PPP2R2D: variants seen among roughly 807,000 people sequenced by gnomAD.
PPP2R2D encodes the protein protein phosphatase 2 regulatory subunit Bdelta, also known as serine/threonine-protein phosphatase 2A 55 kDa regulatory subunit B delta isoform.
PPP2R2D carries 9 observed loss-of-function variants against 31.1 expected under a neutral mutation model. The observed-to-expected ratio is 0.29, with a 90% CI of 0.17 to 0.51. The LOEUF (loss-of-function observed/expected upper bound fraction) is 0.51, where lower values mean the gene tolerates loss of function less well. Ranked by LOEUF, PPP2R2D falls within the 20% of genes least tolerant of loss-of-function variation. The pLI, the probability that PPP2R2D is intolerant of heterozygous loss-of-function variation, is 0.98. For missense variants in PPP2R2D, 391 were observed against 465.6 expected (o/e 0.84, Z 1.48); for synonymous variants, 179 against 172.6 (o/e 1.04, Z -0.29).
intron 3 of PPP2R2D, among the ~76,000 whole-genome samples, chr10:131,939,565 A>ACGGCAGGCTGCG (rs2036402887): frequency 7.0e-6 from 1 of 142,222 alleles, no homozygotes; most frequent in African/African-American, 2.8e-5. Flanking sequence ...GGCAGGCTGT[A>ACGGCAGGCTGCG]TTTGGCAGAC....
chr10:131,920,880 C>T (rs1230040472), intron 2 of PPP2R2D, among the ~76,000 whole-genome samples: 1 of 152,136 alleles, frequency 6.6e-6, no homozygotes, highest in Non-Finnish European at 1.5e-5. Context: ...TGCAGTGGGC[C>T]AAGATTGCGC....
At chr10:131,960,987 G>A (rs962412542), downstream of PPP2R2D, among the ~76,000 whole-genome samples, 2 of 152,052 alleles carry the variant, frequency 1.3e-5, no homozygotes, top group Non-Finnish European at 2.9e-5. Flanking sequence ...CTTCTGTGGC[G>A]AGCTGTCCTG....
intron 2 of PPP2R2D, chr10:131,911,486 T>C (rs2119741885): frequency 6.6e-6 from 1 of 152,392 alleles, no homozygotes; most frequent in African/African-American, 2.4e-5. Context: ...GTGAATTATT[T>C]TAACTGTTCA....
chr10:131,954,675 A>G (rs1239734809), intron 8 of PPP2R2D, among the ~76,000 whole-genome samples: 1 of 151,166 alleles, frequency 6.6e-6, no homozygotes, highest in Non-Finnish European at 1.5e-5. Flanking sequence ...AGACAAGGTC[A>G]GTCAGACACT....
the PPP2R2D span, chr10:131,970,850 G>A: frequency 1.9e-6 from 3 of 1,614,088 alleles, no homozygotes; most frequent in Non-Finnish European, 2.5e-6. The surrounding 1 kb of genome is among the most constrained non-coding windows in gnomAD (Gnocchi z 4.1). Flanking sequence ...CCGTGACACT[G>A]AGAACACACT....
downstream of PPP2R2D, among the ~76,000 whole-genome samples, chr10:131,963,821 A>C (rs1429868091): frequency 6.6e-6 from 1 of 152,166 alleles, no homozygotes; most frequent in Non-Finnish European, 1.5e-5. Context: ...GCCTTCACCC[A>C]GCCCCCTAAC....
At chr10:131,928,976 A>C (rs1554895306) in intron 2 of PPP2R2D, among the ~76,000 whole-genome samples, 1 of 152,230 alleles carries the variant, frequency 6.6e-6, no homozygotes, top group East Asian at 1.9e-4. Flanking sequence ...AAAGAAAAGT[A>C]GAATAATAAT....
At chr10:131,963,590 C>G (rs990773727), downstream of PPP2R2D, among the ~76,000 whole-genome samples, 6 of 152,360 alleles carry the variant, frequency 3.9e-5, no homozygotes, top group African/African-American at 1.2e-4. Context: ...GCCTCACTGG[C>G]TGCTGCACGG....
At chr10:131,932,646 C>CAAAAAAAAAAAAAAAAAAA (rs368610703) in intron 2 of PPP2R2D, among the ~76,000 whole-genome samples, 31 of 57,824 alleles carry the variant, frequency 5.4e-4, no homozygotes, top group African/African-American at 1.2e-3. Flanking sequence ...CAGCCTGTCT[C>CAAAAAAAAAAAAAAAAAAA]AAAAAAAAAA....
chr10:131,954,104 C>G (rs1278281101), intron 8 of PPP2R2D, among the ~76,000 whole-genome samples: 1 of 152,216 alleles, frequency 6.6e-6, no homozygotes, highest in East Asian at 1.9e-4. Context: ...ACGCCTGTGT[C>G]TCTGTCTGTG....
intron 8 of PPP2R2D, among the ~76,000 whole-genome samples, 156 bp from the exon 9 acceptor site, chr10:131,955,528 C>T (rs2036776605): frequency 6.6e-6 from 1 of 152,168 alleles, no homozygotes; most frequent in African/African-American, 2.4e-5. Context: ...CACTGCATTT[C>T]TCTTCTGCCC....
the PPP2R2D span, chr10:131,968,544 T>C: frequency 1.2e-6 from 2 of 1,601,940 alleles, no homozygotes; most frequent in Non-Finnish European, 1.7e-6. Flanking sequence ...CTGGTGGAGG[T>C]TGTCAGACGC....
intron 8 of PPP2R2D, among the ~76,000 whole-genome samples, chr10:131,955,284 A>T (rs543485763): frequency 2.3e-4 from 35 of 152,356 alleles, no homozygotes; most frequent in Admixed American, 2.1e-3. Context: ...ATTGACAGAT[A>T]TGACTAGTAA....
rs556151865 is a variant in PPP2R2D at position 131,953,492 on chromosome 10, G to A, written c.1083-2192G>A. 1.5e-3 allele frequency among the ~76,000 whole-genome samples: 169 copies of A among 113,654 alleles called. 2 individuals carry two copies. Among genetic ancestry groups the A allele is most frequent in the Middle Eastern group, 6.3e-3 (1 of 158 alleles). 74.6% of individuals were successfully genotyped at this position (113,654 alleles called of 152,430 possible). A position where few individuals can be genotyped will look rare whatever the true frequency, so the allele number is the denominator to read the frequency against. On this transcript the variant is annotated intron_variant, in intron 8 of 8. Coordinates refer to ENST00000455566, the MANE Select transcript of PPP2R2D (RefSeq NM_018461.5). Reference sequence around the variant, plus strand: ...CTGTCTTAGTGACTTGTGGGTGTGCGGGGGGTTCACTTAGTGACTTGCAGG... The same window carrying A: ...CTGTCTTAGTGACTTGTGGGTGTGCAGGGGGTTCACTTAGTGACTTGCAGG...
intron 2 of PPP2R2D, among the ~76,000 whole-genome samples, chr10:131,901,531 G>A (rs1375332555): frequency 6.6e-6 from 1 of 151,932 alleles, no homozygotes; most frequent in African/African-American, 2.4e-5. Context: ...CGGGGCACGG[G>A]CGGAGGCGTC....
At chr10:131,925,077 A>G (rs147430511) in intron 2 of PPP2R2D, among the ~76,000 whole-genome samples, 19 of 152,326 alleles carry the variant, frequency 1.2e-4, no homozygotes, top group African/African-American at 4.6e-4. Flanking sequence ...GATTTCCTGT[A>G]TACAATATAA....
chr10:131,908,274 C>T (rs1246747534), intron 2 of PPP2R2D, among the ~76,000 whole-genome samples: 4 of 152,142 alleles, frequency 2.6e-5, no homozygotes, highest in East Asian at 1.9e-4. Flanking sequence ...ATCTTTGCTC[C>T]TGTTTCTTTC....
Position 131,957,652 on chromosome 10 carries a change from C to G in PPP2R2D, c.*1689C>G. On this transcript the variant is annotated 3_prime_UTR_variant, in exon 9 of 9. Transcript: ENST00000455566. ...TGGAGATGAAGGGATATGCTGATCCCCTGTCCCACTGTGGAGATGAAGGGG... is the reference window on the plus strand; with the variant it reads ...TGGAGATGAAGGGATATGCTGATCCGCTGTCCCACTGTGGAGATGAAGGGG... 5.9e-6 allele frequency: 1 copy of G among 168,744 alleles called. No homozygotes were observed. 10.5% of individuals were successfully genotyped at this position (168,744 alleles called of 1,614,324 possible). A position where few individuals can be genotyped will look rare whatever the true frequency, so the allele number is the denominator to read the frequency against.
chr10:131,920,703 G>A (rs868937923), intron 2 of PPP2R2D, among the ~76,000 whole-genome samples: 2 of 152,300 alleles, frequency 1.3e-5, no homozygotes, highest in African/African-American at 4.8e-5. Context: ...TGAGGTGAGT[G>A]GATCACCTGA....
Sources: gnomAD v4.1 joint callset for allele counts (sites outside exome capture counted in the v4.1 genomes callset) on GRCh38, gnomAD v4.1.1 for gene constraint, Gnocchi (gnomAD v3.1) non-coding constraint, MANE v1.5 for transcripts, NCBI Gene and HGNC (gene_info 2026-07-23, HGNC 2026-07-21) for gene names.